Variants in ACTR3 observed in about 807,000 individuals in gnomAD.
The protein encoded by ACTR3 is actin-related protein 3.
ACTR3 carries 12 observed loss-of-function variants against 56.8 expected under a neutral mutation model. The ratio of observed to expected loss-of-function variants is 0.21; its 90% CI spans 0.14 to 0.34. The LOEUF (loss-of-function observed/expected upper bound fraction) is 0.34. Ranked by LOEUF, ACTR3 falls within the 10% of genes least tolerant of loss-of-function variation. The pLI is 1.00. For missense variants in ACTR3, 282 were observed against 512.5 expected (o/e 0.55, Z 4.34); for synonymous variants, 162 against 167.4 (o/e 0.97, Z 0.25).
intron 4 of ACTR3, among the ~76,000 whole-genome samples, chr2:113,930,618 C>T (rs1292251449): frequency 1.3e-5 from 2 of 152,290 alleles, no homozygotes; most frequent in East Asian, 3.9e-4. Context: ...TTTAAGTGAT[C>T]ATGAGGCATA....
In ACTR3 at chr2:113,904,659, A is replaced by G. The variant is rs117836548; in HGVS notation, c.45-8513A>G. On this transcript the variant is annotated intron_variant, in intron 1 of 11. Transcript: ENST00000263238. ...GGGTCAGATGGTAAGTGATAGTTAA[A>G]TTGTTTTCGTAAGTGGCTGCATCAT... 4 of 152,304 alleles carry G rather than the reference A, an allele frequency of 2.6e-5. No individual in the cohort carries two copies. The East Asian group carries it at 7.7e-4, about 29-fold the overall frequency. The allele number at this position is 152,304 out of a possible 1,614,324, so 9.4% of individuals were successfully genotyped here. A position where few individuals can be genotyped will look rare whatever the true frequency, so the allele number is the denominator to read the frequency against.
At chr2:113,940,322 A>G (rs1314245080) in intron 7 of ACTR3, among the ~76,000 whole-genome samples, 1 of 152,168 alleles carries the variant, frequency 6.6e-6, no homozygotes, top group Non-Finnish European at 1.5e-5. Context: ...ATTTGAGAGG[A>G]GTAATATAAG....
In ACTR3 at chr2:113,951,679, T is replaced by C. The variant is rs1452048094; in HGVS notation, c.952-41T>C. ...AGTACTATATATTATATCTTTAAACTTTTCTCTTTTTAAATATTATATTTA... is the reference window on the plus strand; with the variant it reads ...AGTACTATATATTATATCTTTAAACCTTTCTCTTTTTAAATATTATATTTA... On this transcript the variant is annotated intron_variant, in intron 9 of 11. Coordinates refer to ENST00000263238, the MANE Select transcript of ACTR3 (RefSeq NM_005721.5). 3.3e-6 allele frequency: 5 copies of C among 1,492,610 alleles called. No homozygotes were observed. In the South Asian group the frequency reaches 6.4e-5, roughly 19 times the overall value. The allele number at this position is 1,492,610 out of a possible 1,614,324, so 92.5% of individuals were successfully genotyped here.
rs543276708 is a variant in ACTR3, at chr2:113,915,839, G to A, written c.101-1045G>A. Among the ~76,000 whole-genome samples the A allele has an allele frequency of 2.4e-4, 37 of 152,236 alleles. No homozygotes were observed. In the Middle Eastern group the frequency reaches 0.01, roughly 42 times the overall value. ...GTAAGAAGGTTTTTGATTTTTGAGT[G>A]TTTTTTCTCACCCACCCAGTTTTAA... On this transcript the variant is annotated intron_variant, in intron 2 of 11. Transcript: ENST00000263238.
At chr2:113,922,155 A>C (rs1459406185) in intron 3 of ACTR3, among the ~76,000 whole-genome samples, 1 of 152,190 alleles carries the variant, frequency 6.6e-6, no homozygotes, top group African/African-American at 2.4e-5. Context: ...AGTAACAGTA[A>C]GAGTACTGTT....
chr2:113,928,604 A>T (rs970785993), intron 4 of ACTR3, among the ~76,000 whole-genome samples: 1 of 152,198 alleles, frequency 6.6e-6, no homozygotes. Flanking sequence ...AGAACTTTTT[A>T]TACAATGGTC....
At chr2:113,949,394 GA>G (rs562713600) in intron 8 of ACTR3, among the ~76,000 whole-genome samples, 57 of 108,822 alleles carry the variant, frequency 5.2e-4, no homozygotes, top group African/African-American at 1.4e-3. Context: ...AAAAAAAAAA[GA>G]AAAAAAAAAA....
rs74636442 is a variant in ACTR3, at chr2:113,959,039, A to T, written c.*1584A>T. 1 of 152,000 alleles carries T rather than the reference A, an allele frequency of 6.6e-6. No homozygotes were observed. The allele number at this position is 152,000 out of a possible 1,614,324, so 9.4% of individuals were successfully genotyped here. ...AACTATATCCTACAGTAGTATCATCATCAGTATCAAAGGTCTCCTTTTTTT... is the reference window on the plus strand; with the variant it reads ...AACTATATCCTACAGTAGTATCATCTTCAGTATCAAAGGTCTCCTTTTTTT... On this transcript the variant is annotated 3_prime_UTR_variant, in exon 12 of 12. Coordinates refer to ENST00000263238, the MANE Select transcript of ACTR3 (RefSeq NM_005721.5).
rs576445306 is a variant in ACTR3 at position 113,946,345 on chromosome 2, CT to C, written c.858+3988del. ...ATTTTTTAAAAATATTTTCTCTTTC[CT>C]TCATTTTTTAGGAGGGATGGTGTGA... is the stretch of plus-strand genomic sequence containing the variant. On this transcript the variant is annotated intron_variant, in intron 8 of 11. Coordinates refer to ENST00000263238, the MANE Select transcript of ACTR3 (RefSeq NM_005721.5). 3.9e-3 allele frequency among the ~76,000 whole-genome samples: 582 copies of C among 149,618 alleles called. 2 individuals are homozygous for C. Among genetic ancestry groups the C allele is most frequent in the Non-Finnish European group, 6.3e-3 (425 of 67,254 alleles).
intron 3 of ACTR3, among the ~76,000 whole-genome samples, chr2:113,924,732 A>T (rs557219203): frequency 6.6e-6 from 1 of 152,002 alleles, no homozygotes; most frequent in South Asian, 2.1e-4. Flanking sequence ...CTTTCTATAC[A>T]TCTTTTTCTG....
Position 113,934,070 on chromosome 2 carries a change from A to G in ACTR3, c.433-209A>G. On this transcript the variant is annotated intron_variant, in intron 5 of 11. Coordinates refer to ENST00000263238, the MANE Select transcript of ACTR3 (RefSeq NM_005721.5). ...AATCATGCTCCTAAAAGCAAATGTA[A>G]ACCTCTAAGTTTGTCTTAATAAAAT... 8 of 503,470 alleles carry G rather than the reference A, an allele frequency of 1.6e-5. No individual in the cohort carries two copies. The South Asian group carries it at 1.9e-4, about 12-fold the overall frequency. 31.2% of individuals were successfully genotyped at this position (503,470 alleles called of 1,614,324 possible). A position where few individuals can be genotyped will look rare whatever the true frequency, so the allele number is the denominator to read the frequency against.
intron 6 of ACTR3, among the ~76,000 whole-genome samples, chr2:113,935,227 A>AT (rs1679805144): frequency 6.7e-6 from 1 of 150,368 alleles, no homozygotes; most frequent in South Asian, 2.1e-4. Context: ...TTCATATACC[A>AT]TACAATTCAC....
intron 8 of ACTR3, among the ~76,000 whole-genome samples, chr2:113,946,519 A>G (rs1489297048): frequency 6.6e-6 from 1 of 151,942 alleles, no homozygotes; most frequent in African/African-American, 2.4e-5. Flanking sequence ...TCTTTTGAAA[A>G]TTGTTCATGT....
chr2:113,889,970 C>A (rs2104573390), upstream of ACTR3: 6 of 530,952 alleles, frequency 1.1e-5, no homozygotes, highest in South Asian at 1.4e-4. Context: ...ATCTTGGCTT[C>A]CCGGGGAAAG....
intron 1 of ACTR3, among the ~76,000 whole-genome samples, chr2:113,894,333 T>C (rs545021749): frequency 1.3e-5 from 2 of 152,280 alleles, no homozygotes; most frequent in African/African-American, 4.8e-5. Context: ...CCTCAGGTGA[T>C]CCACCCACCT....
chr2:113,908,687 G>T (rs1028774422), intron 1 of ACTR3, among the ~76,000 whole-genome samples: 5 of 150,892 alleles, frequency 3.3e-5, no homozygotes, highest in Admixed American at 6.6e-5. Context: ...ACTTTGACTT[G>T]TTTTTTTTAA....
At chr2:113,951,881 G>C (rs1194391749) in intron 10 of ACTR3, 36 bp downstream of exon 10, 1 of 1,607,884 alleles carries the variant, frequency 6.2e-7, no homozygotes, top group Non-Finnish European at 8.5e-7. Context: ...AAGGTTGAGG[G>C]TGCCTTCCTT....
At chr2:113,898,751 A>G (rs182785344) in intron 1 of ACTR3, among the ~76,000 whole-genome samples, 11 of 152,288 alleles carry the variant, frequency 7.2e-5, no homozygotes, top group Admixed American at 6.5e-4. Context: ...TCAGAGATTT[A>G]TATCTTTGGA....
intron 6 of ACTR3, among the ~76,000 whole-genome samples, chr2:113,938,735 T>C (rs1415241935): frequency 6.6e-6 from 1 of 152,154 alleles, no homozygotes; most frequent in Non-Finnish European, 1.5e-5. Context: ...CTGATCAGTA[T>C]TCAGTTAAGG....
Sources: allele counts gnomAD v4.1 joint callset (sites outside exome capture counted in the v4.1 genomes callset), GRCh38; gene constraint gnomAD v4.1.1; transcripts MANE v1.5; gene names NCBI Gene and HGNC (gene_info 2026-07-23, HGNC 2026-07-21).